Variants in ARVCF observed in about 807,000 individuals in gnomAD.
The protein encoded by ARVCF is splicing regulator ARVCF.
In ARVCF, 66 loss-of-function variants were observed where a neutral mutation model predicts 90.9. That is an observed-to-expected ratio of 0.73 (90% CI 0.60 to 0.89). The LOEUF is 0.89. Ranked by LOEUF, ARVCF falls within the 40% of genes least tolerant of loss-of-function variation. ARVCF has a pLI of 0.00. For synonymous variants in ARVCF, 653 were observed against 603.4 expected (o/e 1.08, Z -1.21); for missense variants, 1,469 against 1,382.3 (o/e 1.06, Z -1.00).
Position 19,980,028 on chromosome 22 carries a change from C to A in ARVCF, c.1111G>T (p.Val371Leu). ...GCCGCATTGGCCTTCACGGGGTCCA[C>A]GGGGTGCCGCAGCATGGCCAGCACC... is the stretch of plus-strand genomic sequence containing the variant. The part of the protein sequence containing the change: ...PEVLAMLRHP[V>L]DPVKANAAAY... The change falls in exon 6 of 20, where the codon GTG becomes TTG. Residue 371 changes from valine to leucine, a missense_variant. Physicochemically the swap from Val to Leu is conservative, Grantham distance 32. Coordinates refer to ENST00000263207, the MANE Select transcript of ARVCF (RefSeq NM_001670.3). 6.3e-7 allele frequency: 1 copy of A among 1,589,466 alleles called. No homozygotes were observed. Among genetic ancestry groups the A allele is most frequent in the Non-Finnish European group, 8.6e-7 (1 of 1,167,824 alleles).
At position 19,981,600 on chromosome 22, in the gene ARVCF, C is replaced by A. The variant is rs1465525135; in HGVS notation, c.507G>T (p.Leu169=). Residue 169 remains leucine, a synonymous_variant, in exon 5 of 20, where the codon CTG becomes CTT. Transcript: ENST00000263207. ...ADGALDRHFL[L]RGGGPVATLS... ...GTGTGGCCACTGGGCCACCACCACG[C>A]AGCAGGAAATGCCGGTCCAGGGCAC... 1.2e-6 allele frequency: 2 copies of A among 1,607,384 alleles called. No individual in the cohort carries two copies. Among genetic ancestry groups the A allele is most frequent in the Non-Finnish European group, 1.7e-6 (2 of 1,179,640 alleles).
In ARVCF at chr22:19,973,659, G is replaced by T; in HGVS notation, c.2223C>A (p.Arg741=). 1 of 1,609,008 alleles carries T rather than the reference G, an allele frequency of 6.2e-7. No homozygotes were observed. The highest frequency in any genetic ancestry group is 1.1e-5 in the South Asian group (1 of 90,996). The change falls in exon 13 of 20, where the codon CGC becomes CGA. Residue 741 remains arginine, a synonymous_variant. Transcript: ENST00000263207. ...IALRNLSLDR[R]NKDLIGSYAM... ...CGTCCTCACCGATGAGGTCTTTGTT[G>T]CGCCGGTCCAGCGAGAGGTTGCGCA...
intron 2 of ARVCF, among the ~76,000 whole-genome samples, chr22:19,993,778 A>T (rs1944118528): frequency 6.6e-6 from 1 of 152,270 alleles, no homozygotes; most frequent in Admixed American, 6.5e-5. Flanking sequence ...ACCATGTTCC[A>T]ACCAGAAAAC....
chr22:20,012,823 C>T (rs1332208621), intron 1 of ARVCF, among the ~76,000 whole-genome samples: 1 of 152,272 alleles, frequency 6.6e-6, no homozygotes, highest in African/African-American at 2.4e-5. Context: ...ATAAGCCTGG[C>T]CCAGGCCACA....
intron 3 of ARVCF, among the ~76,000 whole-genome samples, chr22:19,982,460 A>T (rs1219753786): frequency 6.6e-6 from 1 of 152,052 alleles, no homozygotes; most frequent in East Asian, 1.9e-4. Flanking sequence ...AGGCTCCTCC[A>T]GGCCCCAGGA....
At chr22:19,986,054 C>T (rs1943748544) in intron 3 of ARVCF, among the ~76,000 whole-genome samples, 1 of 152,242 alleles carries the variant, frequency 6.6e-6, no homozygotes, top group South Asian at 2.1e-4. Context: ...CTTCTCCACA[C>T]AGCAGTGCAC....
At chr22:19,983,693 T>G (rs964822689) in intron 3 of ARVCF, 7 of 152,160 alleles carry the variant, frequency 4.6e-5, no homozygotes, top group African/African-American at 1.4e-4. Context: ...ACAGTCCAAG[T>G]GGGATTTCAA....
At chr22:20,000,642 ACG>A (rs892946653) in intron 2 of ARVCF, among the ~76,000 whole-genome samples, 2 of 152,220 alleles carry the variant, frequency 1.3e-5, no homozygotes, top group Non-Finnish European at 2.9e-5. Context: ...CCACACTGCT[ACG>A]GTGTGAATGC....
At chr22:19,967,268 A>G (rs971251787), downstream of ARVCF, 25 of 1,246,880 alleles carry the variant, frequency 2.0e-5, no homozygotes, top group Non-Finnish European at 2.6e-5. Context: ...CCAGGAGCCC[A>G]GGCCCCTCAC....
At chr22:20,012,462 T>G (rs1944871813) in intron 1 of ARVCF, among the ~76,000 whole-genome samples, 1 of 152,212 alleles carries the variant, frequency 6.6e-6, no homozygotes, top group Non-Finnish European at 1.5e-5. Context: ...AAGGCAGAAC[T>G]AGTGATAGGA....
chr22:20,001,488 C>T (rs1262818654), intron 2 of ARVCF, among the ~76,000 whole-genome samples: 6 of 152,196 alleles, frequency 3.9e-5, no homozygotes, highest in African/African-American at 1.4e-4. Flanking sequence ...TGTTCAACTC[C>T]GCTGGCCACA....
chr22:19,985,828 C>T (rs192312033), intron 3 of ARVCF, among the ~76,000 whole-genome samples: 18 of 152,348 alleles, frequency 1.2e-4, no homozygotes, highest in African/African-American at 4.1e-4. Flanking sequence ...ACACCTGGAT[C>T]CCACACCTGC....
At chr22:19,981,058 T>G in intron 5 of ARVCF, 153 bp downstream of exon 5, 1 of 1,054,174 alleles carries the variant, frequency 9.5e-7, no homozygotes, top group Non-Finnish European at 1.3e-6. Flanking sequence ...AGGGTCCACC[T>G]TTCTTCTGTC....
chr22:19,974,152 G>A lies in ARVCF; in HGVS notation c.2048C>T (p.Ala683Val). 6.2e-7 allele frequency: 1 copy of A among 1,612,792 alleles called. No individual in the cohort carries two copies. Among genetic ancestry groups the A allele is most frequent in the Non-Finnish European group, 8.5e-7 (1 of 1,179,778 alleles). The change falls in exon 12 of 20, where the codon GCC becomes GTC. Residue 683 changes from alanine to valine, a missense_variant. Transcript: ENST00000263207. ...ESRNFNTLEA[A>V]AGALQNLSAG... ...ACTGAGGTTCTGCAGAGCGCCGGCGGCAGCCTCCAGGGTGTTGAAGTTCCG... is the reference window on the plus strand; with the variant it reads ...ACTGAGGTTCTGCAGAGCGCCGGCGACAGCCTCCAGGGTGTTGAAGTTCCG...
intron 2 of ARVCF, among the ~76,000 whole-genome samples, chr22:20,010,192 A>C (rs1240599995): frequency 6.6e-6 from 1 of 152,204 alleles, no homozygotes; most frequent in Non-Finnish European, 1.5e-5. Context: ...GCCAGCCCCA[A>C]ACAGGCTTGT....
chr22:19,982,202 G>C, intron 3 of ARVCF, 111 bp from the exon 4 acceptor site: 1 of 1,442,528 alleles, frequency 6.9e-7, no homozygotes, highest in Non-Finnish European at 9.3e-7. Context: ...GCACACCAGG[G>C]TGCCTTCCTC....
At chr22:20,002,080 G>C (rs1412695908) in intron 2 of ARVCF, among the ~76,000 whole-genome samples, 1 of 152,188 alleles carries the variant, frequency 6.6e-6, no homozygotes, top group African/African-American at 2.4e-5. Context: ...CAGAAAAACG[G>C]CCAGAAACCA....
chr22:19,977,253 G>A (rs1349846228), intron 9 of ARVCF, among the ~76,000 whole-genome samples, 162 bp downstream of exon 9: 2 of 152,208 alleles, frequency 1.3e-5, no homozygotes, highest in Non-Finnish European at 2.9e-5. Flanking sequence ...ATGTGACCCA[G>A]GGCAGTCCAG....
intron 7 of ARVCF, 98 bp downstream of exon 7, chr22:19,978,799 T>C (rs1601595322): frequency 7.1e-7 from 1 of 1,414,858 alleles, no homozygotes; most frequent in East Asian, 2.4e-5. Context: ...TCCTAAGCTC[T>C]GGCGCTCCTA....
Sources: gnomAD v4.1 joint callset for allele counts (sites outside exome capture counted in the v4.1 genomes callset) on GRCh38, gnomAD v4.1.1 for gene constraint, MANE v1.5 for transcripts, NCBI Gene and HGNC (gene_info 2026-07-23, HGNC 2026-07-21) for gene names.